HDGFL3: variants seen among roughly 807,000 people sequenced by gnomAD.
HDGFL3 encodes hepatoma-derived growth factor-related protein 3.
HDGFL3 carries 6 observed loss-of-function variants against 27.6 expected under a neutral mutation model. That is an observed-to-expected ratio of 0.22 (90% CI 0.12 to 0.43). The LOEUF (loss-of-function observed/expected upper bound fraction) is 0.43. HDGFL3 is among the 20% of genes least tolerant of loss of function. The probability of loss-of-function intolerance (pLI) is 1.00; values close to 1 mark genes in which losing one functional copy is unlikely to be tolerated. For synonymous variants in HDGFL3, 88 were observed against 88.9 expected, an observed-to-expected ratio of 0.99 and a Z score of 0.05; for missense variants, 207 against 250.1, an observed-to-expected ratio of 0.83 and a Z score of 1.16.
At chr15:83,139,879 T>C (rs1284975818) in intron 5 of HDGFL3, among the ~76,000 whole-genome samples, 1 of 152,132 alleles carries the variant, frequency 6.6e-6, no homozygotes, top group African/African-American at 2.4e-5. Flanking sequence ...AAATAAAACA[T>C]TTGTTTCATA....
intron 1 of HDGFL3, among the ~76,000 whole-genome samples, chr15:83,198,376 C>T (rs1051022622): frequency 2.6e-5 from 4 of 152,152 alleles, no homozygotes; most frequent in African/African-American, 9.7e-5. Flanking sequence ...GCCTACTGAC[C>T]AGACCAGTGT....
At chr15:83,205,735 T>C (rs1189804063) in intron 1 of HDGFL3, among the ~76,000 whole-genome samples, 1 of 152,220 alleles carries the variant, frequency 6.6e-6, no homozygotes, top group East Asian at 1.9e-4. Context: ...AGCTATACAT[T>C]TCTTACTTGG....
At chr15:83,143,147 G>C (rs1278381850) in intron 5 of HDGFL3, among the ~76,000 whole-genome samples, 4 of 151,930 alleles carry the variant, frequency 2.6e-5, no homozygotes, top group East Asian at 1.9e-4. Context: ...TGAGTAGCTG[G>C]GATTACGGGC....
intron 4 of HDGFL3, among the ~76,000 whole-genome samples, chr15:83,154,732 T>G (rs2037007686): frequency 6.6e-6 from 1 of 152,236 alleles, no homozygotes; most frequent in Admixed American, 6.5e-5. Flanking sequence ...AAATACAGTA[T>G]AACTATTCAA....
At chr15:83,154,056 T>C (rs2036996155) in intron 4 of HDGFL3, among the ~76,000 whole-genome samples, 1 of 151,856 alleles carries the variant, frequency 6.6e-6, no homozygotes, top group South Asian at 2.1e-4. Flanking sequence ...GGCTCACACC[T>C]GTAATCCCAG....
At chr15:83,117,200 G>A (rs998454287) in intron 3 of HDGFL3, among the ~76,000 whole-genome samples, 3 of 152,180 alleles carry the variant, frequency 2.0e-5, no homozygotes, top group Admixed American at 6.5e-5. Flanking sequence ...CGGAGAGAAG[G>A]GACAGCTTGG....
rs1223450161 is a variant in HDGFL3, at chr15:83,134,652, A to T, written c.*4618T>A. ...CAGGCTCCCCTATGCAAGTAGGCAC[A>T]ACTGCTCATATTTATTCTCTCAAAG... On this transcript the variant is annotated 3_prime_UTR_variant, in exon 6 of 6. Coordinates refer to ENST00000299633, the MANE Select transcript of HDGFL3 (RefSeq NM_016073.4). 5 of 152,354 alleles carry T rather than the reference A, an allele frequency of 3.3e-5. No individual in the cohort carries two copies. In the East Asian group the frequency reaches 9.6e-4, roughly 29 times the overall value. The allele number at this position is 152,354 out of a possible 1,614,324, so 9.4% of individuals were successfully genotyped here.
rs749263723 is a variant in HDGFL3, at chr15:83,118,097, C to A, written c.394-2356G>T. Among the ~76,000 whole-genome samples, 8 of 152,268 alleles carry A rather than the reference C, an allele frequency of 5.3e-5. No individual in the cohort carries two copies. In the South Asian group the frequency reaches 1.0e-3, roughly 20 times the overall value. ...AGAGGCCATGGCTGGCCTGGTGGCT[C>A]ATGCCTGTAATCTCAGTGCTTTGGA... On this transcript the variant is annotated intron_variant, in intron 3 of 3. Transcript: ENST00000568294.
intron 5 of HDGFL3, among the ~76,000 whole-genome samples, chr15:83,142,215 G>A (rs1369424240): frequency 1.3e-5 from 2 of 152,116 alleles, no homozygotes; most frequent in African/African-American, 4.8e-5. Context: ...AAAGACACAT[G>A]CATGAGAATG....
intron 4 of HDGFL3, among the ~76,000 whole-genome samples, chr15:83,152,016 C>A (rs1018103258): frequency 5.9e-5 from 9 of 152,174 alleles, no homozygotes; most frequent in African/African-American, 1.9e-4. Context: ...AATTAGTTTG[C>A]CTCAAGAGTT....
At chr15:83,119,545 T>C in intron 3 of HDGFL3, 1 of 1,601,264 alleles carries the variant, frequency 6.2e-7, no homozygotes, top group South Asian at 1.1e-5. Flanking sequence ...CAGGTCTTAT[T>C]TAAAGTGGAC....
chr15:83,134,810 A>G lies in HDGFL3; in HGVS notation c.*4460T>C, dbSNP rs2151387900. 6.6e-6 allele frequency: 1 copy of G among 152,368 alleles called. No homozygotes were observed. The highest frequency in any genetic ancestry group is 2.4e-5 in the African/African-American group (1 of 41,576). 9.4% of individuals were successfully genotyped at this position (152,368 alleles called of 1,614,324 possible). On this transcript the variant is annotated 3_prime_UTR_variant, in exon 6 of 6. Transcript: ENST00000299633. ...TCCAGTCCAGAGAAAATGCTTGGTT[A>G]TATATTCAGAAAAACACTATTATTC...
chr15:83,179,068 A>G (rs750197388), intron 1 of HDGFL3: 1 of 152,262 alleles, frequency 6.6e-6, no homozygotes, highest in Non-Finnish European at 1.5e-5. Context: ...AGCAGGCTTC[A>G]GTTTCCTGCC....
At chr15:83,204,350 A>T (rs1463166525) in intron 1 of HDGFL3, among the ~76,000 whole-genome samples, 1 of 152,124 alleles carries the variant, frequency 6.6e-6, no homozygotes, top group Admixed American at 6.5e-5. Context: ...AGAGAAAAGG[A>T]TCCATTCAAA....
chr15:83,127,581 A>C, downstream of HDGFL3: 6 of 1,259,226 alleles, frequency 4.8e-6, no homozygotes, highest in Non-Finnish European at 6.7e-6. Flanking sequence ...GGAGATAGCT[A>C]TTAGACATGT....
chr15:83,174,446 T>TTGTA (rs979746068), intron 1 of HDGFL3, among the ~76,000 whole-genome samples: 36 of 151,328 alleles, frequency 2.4e-4, no homozygotes, highest in African/African-American at 8.5e-4. Context: ...TCCCATTACC[T>TTGTA]ACTATAAAAC....
At chr15:83,156,216 G>A (rs1352878320) in intron 4 of HDGFL3, among the ~76,000 whole-genome samples, 1 of 151,990 alleles carries the variant, frequency 6.6e-6, no homozygotes, top group Non-Finnish European at 1.5e-5. Flanking sequence ...TGCCATATAT[G>A]GCTTCTCCTC....
rs753620097 is a variant in HDGFL3 at position 83,133,798 on chromosome 15, T to A, written c.*5472A>T. On this transcript the variant is annotated 3_prime_UTR_variant, in exon 6 of 6. Transcript: ENST00000299633. ...TATGTGCTTGGGAAGAGAAACCTCC[T>A]CAGGTGAGACTGTTTTTCTGAACTT... The A allele has an allele frequency of 6.6e-6, 1 of 152,232 alleles. No individual in the cohort carries two copies. The highest frequency in any genetic ancestry group is 1.5e-5 in the Non-Finnish European group (1 of 68,060). The allele number at this position is 152,232 out of a possible 1,614,324, so 9.4% of individuals were successfully genotyped here.
chr15:83,152,025 T>G (rs1388982262), intron 4 of HDGFL3, among the ~76,000 whole-genome samples: 1 of 152,126 alleles, frequency 6.6e-6, no homozygotes, highest in Non-Finnish European at 1.5e-5. Flanking sequence ...GCCTCAAGAG[T>G]TGCTTGGCAG....
Sources: gnomAD v4.1 joint callset for allele counts (sites outside exome capture counted in the v4.1 genomes callset) on GRCh38, gnomAD v4.1.1 for gene constraint, MANE v1.5 for transcripts, NCBI Gene and HGNC (gene_info 2026-07-23, HGNC 2026-07-21) for gene names.